P2RX2: variants seen among roughly 807,000 people sequenced by gnomAD.
P2RX2 encodes P2X purinoceptor 2.
Under a neutral mutation model 54.8 loss-of-function variants are expected in P2RX2, and 50 were observed. That is an observed-to-expected ratio of 0.91 (90% confidence interval 0.73 to 1.15). The LOEUF (loss-of-function observed/expected upper bound fraction) is 1.15. Ranked by LOEUF, P2RX2 falls within the 50% of genes most tolerant of loss-of-function variation. The probability of loss-of-function intolerance (pLI) is 0.00; values close to 1 mark genes in which losing one functional copy is unlikely to be tolerated. For missense variants in P2RX2, 658 were observed against 633.2 expected, an observed-to-expected ratio of 1.04 and a Z score of -0.42; for synonymous variants, 289 against 259.4, an observed-to-expected ratio of 1.11 and a Z score of -1.09.
chr12:132,621,477 CG>C lies in P2RX2; in HGVS notation c.1002del (p.Lys335SerfsTer4). ...ACCACGACCCCCATTCTCCCCAGGC[CG>C]GGAAGTTCAGCCTGATTCCCACCAT... ...RIDVIVHGQA[G>X]KFSLIPTIIN... On this transcript the variant is annotated frameshift_variant, in exon 10 of 11. Coordinates refer to ENST00000643471, the MANE Select transcript of P2RX2 (RefSeq NM_170682.4). LOFTEE classifies it high-confidence loss of function. 6.4e-7 allele frequency: 1 copy of C among 1,565,790 alleles called. No individual in the cohort carries two copies. Among genetic ancestry groups the C allele is most frequent in the Non-Finnish European group, 8.7e-7 (1 of 1,154,226 alleles).
At position 132,619,585 on chromosome 12, in the gene P2RX2, C is replaced by T. The variant is rs575241082; in HGVS notation, c.309+11C>T. ...GTGAAGCCCCCCGAGGTGCGGGCCGCCCCCTGCCCCCCGCCCCGCCGTGCA... is the reference window on the plus strand; with the variant it reads ...GTGAAGCCCCCCGAGGTGCGGGCCGTCCCCTGCCCCCCGCCCCGCCGTGCA... On this transcript the variant is annotated intron_variant, in intron 2 of 10. Coordinates refer to ENST00000643471, the MANE Select transcript of P2RX2 (RefSeq NM_170682.4). 7 of 1,602,234 alleles carry T rather than the reference C, an allele frequency of 4.4e-6. No homozygotes were observed. In the Admixed American group the frequency reaches 8.4e-5, roughly 19 times the overall value.
Position 132,620,070 on chromosome 12 carries a change from C to A in P2RX2, c.528C>A (p.Cys176Ter). ...PSKTCEVFGW[C>*]PVEDGASVSQ... Reference sequence around the variant, plus strand: ...AGACCTGCGAGGTGTTCGGCTGGTGCCCGGTGGAAGATGGGGCCTCTGTCA... The same window carrying A: ...AGACCTGCGAGGTGTTCGGCTGGTGACCGGTGGAAGATGGGGCCTCTGTCA... Residue 176 changes from cysteine to a stop codon, truncating the protein, a stop_gained, in exon 5 of 11, where the codon TGC becomes TGA. Coordinates refer to ENST00000643471, the MANE Select transcript of P2RX2 (RefSeq NM_170682.4). LOFTEE classifies it high-confidence loss of function. 1 of 1,585,868 alleles carries A rather than the reference C, an allele frequency of 6.3e-7. No homozygotes were observed. Among genetic ancestry groups the A allele is most frequent in the Non-Finnish European group, 8.6e-7 (1 of 1,167,438 alleles).
chr12:132,620,505 CG>C lies in P2RX2; in HGVS notation c.697del (p.Asp233ThrfsTer106). ...LKRCTFHEASDLYCPIFKLGF... is the reference protein window; with the variant it reads ...LKRCTFHEASXLYCPIFKLGF... Reference sequence around the variant, plus strand: ...AGCGCTGCACGTTCCACGAGGCCTCCGACCTCTACTGCCCCATCTTCAAGCT... The same window carrying C: ...AGCGCTGCACGTTCCACGAGGCCTCCACCTCTACTGCCCCATCTTCAAGCT... On this transcript the variant is annotated frameshift_variant, in exon 7 of 11. Coordinates refer to ENST00000643471, the MANE Select transcript of P2RX2 (RefSeq NM_170682.4). LOFTEE classifies it high-confidence loss of function. The C allele has an allele frequency of 1.9e-6, 3 of 1,614,002 alleles. No homozygotes were observed. Among genetic ancestry groups the C allele is most frequent in the Non-Finnish European group, 1.7e-6 (2 of 1,179,980 alleles).
In P2RX2 at chr12:132,622,313, G is replaced by A. The variant is rs571063183; in HGVS notation, c.*341G>A. 312 of 943,590 alleles carry A rather than the reference G, an allele frequency of 3.3e-4. 1 individual carries two copies. The highest frequency in any genetic ancestry group is 5.9e-4 in the Admixed American group (14 of 23,666). 58.5% of individuals were successfully genotyped at this position (943,590 alleles called of 1,614,324 possible). ...CCCCACCCCACCCCACCCCACAGGC[G>A]TTGTAACCTTGAATCTGCCCAGACT... On this transcript the variant is annotated 3_prime_UTR_variant, in exon 11 of 11. Transcript: ENST00000643471.
Position 132,621,063 on chromosome 12 carries a change from C to T in P2RX2, c.837C>T (p.Cys279=). 6.2e-7 allele frequency: 1 copy of T among 1,614,162 alleles called. No homozygotes were observed. Among genetic ancestry groups the T allele is most frequent in the South Asian group, 1.1e-5 (1 of 91,086 alleles). Residue 279 remains cysteine (C), a synonymous_variant, in exon 8 of 11, where the codon TGC becomes TGT. Coordinates refer to ENST00000643471, the MANE Select transcript of P2RX2 (RefSeq NM_170682.4). The part of the protein sequence containing the change: ...DCDLDLPASE[C]NPKYSFRRLD... Reference sequence around the variant, plus strand: ...ACCTGGACCTGCCTGCATCGGAGTGCAACCCCAAGTACTCCTTCCGGAGGC... The same window carrying T: ...ACCTGGACCTGCCTGCATCGGAGTGTAACCCCAAGTACTCCTTCCGGAGGC...
At chr12:132,619,366 C>T (rs766116496) in intron 1 of P2RX2, 73 bp from the exon 2 acceptor site, 114 of 1,572,064 alleles carry the variant, frequency 7.3e-5, no homozygotes, top group Non-Finnish European at 9.4e-5. Context: ...GCGGGAGGGC[C>T]CCTGCCGTGC....
At position 132,618,850 on chromosome 12, in the gene P2RX2, G is replaced by A. The variant is rs748252581; in HGVS notation, c.34G>A (p.Ala12Thr). Residue 12 changes from alanine to threonine, a missense_variant, in exon 1 of 11, where the codon GCG (alanine) becomes ACG (threonine). Physicochemically the swap from Ala to Thr is moderately conservative, Grantham distance 58 (BLOSUM62 0). Transcript: ENST00000643471. ...CGCCCAGCCCAAGTACCCCGCCGGGGCGACCGCCCGGCGCCTGGCCCGGGG... is the reference window on the plus strand; with the variant it reads ...CGCCCAGCCCAAGTACCCCGCCGGGACGACCGCCCGGCGCCTGGCCCGGGG... Reference protein sequence around the residue: ...AAAQPKYPAGATARRLARGCW... With the variant: ...AAAQPKYPAGTTARRLARGCW... 7.4e-7 allele frequency: 1 copy of A among 1,359,556 alleles called. No homozygotes were observed. Among genetic ancestry groups the A allele is most frequent in the Admixed American group, 3.0e-5 (1 of 33,370 alleles). The allele number at this position is 1,359,556 out of a possible 1,614,324, so 84.2% of individuals were successfully genotyped here. A position where few individuals can be genotyped will look rare whatever the true frequency, so the allele number is the denominator to read the frequency against.
At chr12:132,620,120 GC>G in intron 5 of P2RX2, 24 bp downstream of exon 5, 1 of 1,547,934 alleles carries the variant, frequency 6.5e-7, no homozygotes, top group South Asian at 1.2e-5. Flanking sequence ...CCGGCCTGGG[GC>G]CCAGCCTCCC....
chr12:132,620,974 C>A (rs377614476), intron 7 of P2RX2, 27 bp from the exon 8 acceptor site: 10 of 1,605,416 alleles, frequency 6.2e-6, no homozygotes, highest in Non-Finnish European at 8.5e-6. Context: ...GCCCTCCTGA[C>A]CCCCTTCTCT....
chr12:132,620,450 A>C lies in P2RX2; in HGVS notation c.641A>C (p.Asn214Thr). ...HYPKFHFSKGNIADRTDGYLK... is the reference protein window; with the variant it reads ...HYPKFHFSKGTIADRTDGYLK... ...GCCTCCTGCCGCCTCCTCAGGGGCAACATCGCCGACCGCACAGACGGGTAC... is the reference window on the plus strand; with the variant it reads ...GCCTCCTGCCGCCTCCTCAGGGGCACCATCGCCGACCGCACAGACGGGTAC... Residue 214 changes from asparagine to threonine, a missense_variant, in exon 7 of 11, where the codon AAC becomes ACC. By Grantham distance (65) the Asn-to-Thr change is moderately conservative. Coordinates refer to ENST00000643471, the MANE Select transcript of P2RX2 (RefSeq NM_170682.4). 3 of 1,614,098 alleles carry C rather than the reference A, an allele frequency of 1.9e-6. No homozygotes were observed. Among genetic ancestry groups the C allele is most frequent in the Non-Finnish European group, 2.5e-6 (3 of 1,180,016 alleles).
chr12:132,620,620 C>T, intron 7 of P2RX2, 37 bp downstream of exon 7: 1 of 1,601,660 alleles, frequency 6.2e-7, no homozygotes, highest in South Asian at 1.1e-5. Context: ...CCAGGGTGGG[C>T]TCCCACCTGC....
rs189096466 is a variant in P2RX2 at position 132,619,186 on chromosome 12, T to C, written c.173+197T>C. 2.4e-3 allele frequency among the ~76,000 whole-genome samples: 70 copies of C among 28,628 alleles called. 1 individual carries two copies. Among genetic ancestry groups the C allele is most frequent in the Non-Finnish European group, 4.0e-3 (62 of 15,522 alleles). The allele number at this position is 28,628 out of a possible 152,430, so 18.8% of individuals were successfully genotyped here. A position where few individuals can be genotyped will look rare whatever the true frequency, so the allele number is the denominator to read the frequency against. Reference sequence around the variant, plus strand: ...GGGGCAGGGGCTGGGACTGGGGGCGTGGGGCAGGGGCTGGGACTCGGGGTG... The same window carrying C: ...GGGGCAGGGGCTGGGACTGGGGGCGCGGGGCAGGGGCTGGGACTCGGGGTG... On this transcript the variant is annotated intron_variant, in intron 1 of 10. Coordinates refer to ENST00000643471, the MANE Select transcript of P2RX2 (RefSeq NM_170682.4).
Position 132,621,606 on chromosome 12 carries a change from C to G in P2RX2, c.1063-13C>G, listed in dbSNP as rs976750532. 1.9e-6 allele frequency: 3 copies of G among 1,612,524 alleles called. No individual in the cohort carries two copies. Among genetic ancestry groups the G allele is most frequent in the African/African-American group, 2.7e-5 (2 of 74,924 alleles). On this transcript the variant is annotated splice_polypyrimidine_tract_variant and intron_variant, in intron 10 of 10. Coordinates refer to ENST00000643471, the MANE Select transcript of P2RX2 (RefSeq NM_170682.4). The stretch of plus-strand genomic sequence containing the variant: ...CCACCAGGCCCTTACACACCGGTCT[C>G]TGCTGGCCCCAGGGCTCCTTCCTGT...
At position 132,621,140 on chromosome 12, in the gene P2RX2, C is replaced by A; in HGVS notation, c.905+9C>A. On this transcript the variant is annotated intron_variant, in intron 8 of 10. Transcript: ENST00000643471. Reference sequence around the variant, plus strand: ...TCAGGCTACAACTTCAGGTGCTGTACTTGGGACACCGCTGTCCACACTGGC... The same window carrying A: ...TCAGGCTACAACTTCAGGTGCTGTAATTGGGACACCGCTGTCCACACTGGC... The A allele has an allele frequency of 6.2e-7, 1 of 1,614,124 alleles. No individual in the cohort carries two copies. Among genetic ancestry groups the A allele is most frequent in the Non-Finnish European group, 8.5e-7 (1 of 1,180,000 alleles).
chr12:132,620,953 G>T (rs201440870), intron 7 of P2RX2, 48 bp from the exon 8 acceptor site: 94 of 1,574,344 alleles, frequency 6.0e-5, no homozygotes, highest in Non-Finnish European at 7.9e-5. Context: ...CTCTCGAGGG[G>T]CCTCTCGTGT....
Position 132,620,545 on chromosome 12 carries a change from G to A in P2RX2, c.736G>A (p.Glu246Lys). The change falls in exon 7 of 11, where the codon GAG becomes AAG. Residue 246 changes from glutamate (E) to lysine (K), a missense_variant. Transcript: ENST00000643471. ...CPIFKLGFIV[E>K]KAGESFTELA... ...CATCTTCAAGCTGGGCTTTATCGTG[G>A]AGAAGGCTGGGGAGAGCTTCACAGA... is the stretch of plus-strand genomic sequence containing the variant. The A allele has an allele frequency of 6.2e-7, 1 of 1,613,702 alleles. No homozygotes were observed. Among genetic ancestry groups the A allele is most frequent in the Non-Finnish European group, 8.5e-7 (1 of 1,179,944 alleles).
rs768143794 is a variant in P2RX2 at position 132,620,239 on chromosome 12, A to T, written c.555-28A>T. The T allele has an allele frequency of 3.1e-6, 5 of 1,594,146 alleles. No individual in the cohort carries two copies. In the Admixed American group the frequency reaches 8.3e-5, roughly 27 times the overall value. On this transcript the variant is annotated intron_variant, in intron 5 of 10. Transcript: ENST00000643471. Reference sequence around the variant, plus strand: ...GGCGGGGGCTTTGCGGGAAGAGGGGACTAAACAACCCTTCTGTGCCTCCTC... The same window carrying T: ...GGCGGGGGCTTTGCGGGAAGAGGGGTCTAAACAACCCTTCTGTGCCTCCTC...
Position 132,622,096 on chromosome 12 carries a change from A to G in P2RX2, c.*124A>G, listed in dbSNP as rs1050869599. The G allele has an allele frequency of 2.5e-5, 39 of 1,530,878 alleles. No individual in the cohort carries two copies. The African/African-American group carries it at 3.4e-4, about 13-fold the overall frequency. The allele number at this position is 1,530,878 out of a possible 1,614,324, so 94.8% of individuals were successfully genotyped here. A position where few individuals can be genotyped will look rare whatever the true frequency, so the allele number is the denominator to read the frequency against. ...GCATCTCCACGAAACGGGGCACCAC[A>G]GGATCCCTGTGCAAGGGCTGGGGGC... On this transcript the variant is annotated 3_prime_UTR_variant, in exon 11 of 11. Transcript: ENST00000643471.
At chr12:132,621,209 G>A in intron 8 of P2RX2, 46 bp from the exon 9 acceptor site, 6 of 1,613,944 alleles carry the variant, frequency 3.7e-6, no homozygotes, top group South Asian at 1.1e-5. Flanking sequence ...CTGTGGGGCA[G>A]CCCTGGAGTG....
Sources: allele counts gnomAD v4.1 joint callset (sites outside exome capture counted in the v4.1 genomes callset), GRCh38; gene constraint gnomAD v4.1.1; transcripts MANE v1.5; gene names NCBI Gene and HGNC (gene_info 2026-07-23, HGNC 2026-07-21).